GRAMD1B: variants seen among roughly 807,000 people sequenced by gnomAD.
GRAMD1B encodes the protein protein Aster-B.
A neutral mutation model predicts 99.7 loss-of-function variants in GRAMD1B; 37 were observed. That is an observed-to-expected ratio of 0.37 (90% confidence interval 0.29 to 0.49). The LOEUF is 0.49. Ranked by LOEUF, GRAMD1B falls within the 20% of genes least tolerant of loss-of-function variation. GRAMD1B has a pLI of 0.98. For missense variants in GRAMD1B, 888 were observed against 1,009.2 expected (o/e 0.88, Z 1.63); for synonymous variants, 427 against 387.6 (o/e 1.10, Z -1.19).
chr11:123,521,493 C>T (rs994796159), intron 2 of GRAMD1B, among the ~76,000 whole-genome samples: 1 of 152,180 alleles, frequency 6.6e-6, no homozygotes, highest in African/African-American at 2.4e-5. Flanking sequence ...TGTCTTTTCT[C>T]TCTATGATCT....
At chr11:123,403,747 T>C (rs1032570406) in intron 1 of GRAMD1B, among the ~76,000 whole-genome samples, 1 of 151,830 alleles carries the variant, frequency 6.6e-6, no homozygotes, top group African/African-American at 2.4e-5. Context: ...TTTCGCTACG[T>C]TGGTGAGGCT....
chr11:123,584,201 T>C, intron 3 of GRAMD1B, 111 bp from the exon 4 acceptor site: 1 of 656,566 alleles, frequency 1.5e-6, no homozygotes, highest in Non-Finnish European at 2.7e-6. Flanking sequence ...CAGCTGCATT[T>C]GGACCCCTCC....
intron 1 of GRAMD1B, among the ~76,000 whole-genome samples, chr11:123,373,756 C>T (rs571238493): frequency 1.3e-5 from 2 of 152,320 alleles, no homozygotes; most frequent in South Asian, 4.1e-4. Flanking sequence ...TGTCACCCCT[C>T]TGCCTCCCTA....
chr11:123,386,305 A>G (rs1314909137), intron 1 of GRAMD1B, among the ~76,000 whole-genome samples: 1 of 152,138 alleles, frequency 6.6e-6, no homozygotes, highest in Non-Finnish European at 1.5e-5. Context: ...AGCGTTCTGA[A>G]CAGGAGGCCC....
chr11:123,422,695 T>A (rs1229598632), intron 1 of GRAMD1B, among the ~76,000 whole-genome samples: 1 of 152,194 alleles, frequency 6.6e-6, no homozygotes, highest in East Asian at 1.9e-4. Flanking sequence ...CGAGAAGCGA[T>A]CAAACCATGC....
At position 123,388,900 on chromosome 11, in the gene GRAMD1B, T is replaced by C. The variant is rs984435090; in HGVS notation, c.-176+30101T>C. 5.9e-5 allele frequency among the ~76,000 whole-genome samples: 9 copies of C among 152,208 alleles called. 1 individual carries two copies. Among genetic ancestry groups the C allele is most frequent in the African/African-American group, 2.2e-4 (9 of 41,454 alleles). ...AATGTTTAAAAGCTATCCAGGTTCA[T>C]GTGTTTTGTTACAGCATCTCGAACA... is the stretch of plus-strand genomic sequence containing the variant. On this transcript the variant is annotated intron_variant, in intron 1 of 20. Coordinates refer to the GRAMD1B transcript ENST00000638157.
rs1951225111 is a variant in GRAMD1B, at chr11:123,595,945, A to T, written c.877A>T (p.Thr293Ser). 2 of 1,596,522 alleles carry T rather than the reference A, an allele frequency of 1.3e-6. No homozygotes were observed. The highest frequency in any genetic ancestry group is 1.7e-6 in the Non-Finnish European group (2 of 1,168,722). Residue 293 changes from threonine to serine, a missense_variant, in exon 7 of 20, where the codon ACA becomes TCA. Around this residue, in one of 5 missense-constraint regions of GRAMD1B, gnomAD observed 62 missense variants for 139.4 expected, o/e 0.44. Transcript: ENST00000635736. ...TCTCTGTCCTCTTGGATGCCAGCTG[A>T]CAGTCCGTTTGAAAGACATCTGTTC... ...SNIFRWETLLTVRLKDICSMT... is the reference protein window; with the variant it reads ...SNIFRWETLLSVRLKDICSMT...
At chr11:123,418,826 C>G (rs922233375) in intron 1 of GRAMD1B, among the ~76,000 whole-genome samples, 2 of 152,162 alleles carry the variant, frequency 1.3e-5, no homozygotes, top group Non-Finnish European at 2.9e-5. Flanking sequence ...GTTCCTTGTC[C>G]TCCCCTGTCC....
chr11:123,507,617 A>C (rs11219177), intron 2 of GRAMD1B, among the ~76,000 whole-genome samples: 20,103 of 152,268 alleles, frequency 0.13, 1,591 homozygotes, highest in East Asian at 0.43. Flanking sequence ...GGTGAACATG[A>C]GTAAATTCAT....
At chr11:123,593,911 G>A (rs545851232) in intron 4 of GRAMD1B, among the ~76,000 whole-genome samples, 171 bp from the exon 5 acceptor site, 1 of 152,240 alleles carries the variant, frequency 6.6e-6, no homozygotes, top group Admixed American at 6.5e-5. Flanking sequence ...TCCCCACTGT[G>A]TTTCTCCACA....
At chr11:123,550,778 T>A (rs1331223380) in intron 2 of GRAMD1B, among the ~76,000 whole-genome samples, 3 of 152,204 alleles carry the variant, frequency 2.0e-5, no homozygotes, top group African/African-American at 7.2e-5. Context: ...TCTCCTAATA[T>A]CCTAGAGTGG....
chr11:123,436,091 C>T (rs1022449933), intron 1 of GRAMD1B, among the ~76,000 whole-genome samples: 2 of 151,794 alleles, frequency 1.3e-5, no homozygotes, highest in African/African-American at 4.8e-5. Flanking sequence ...TACAGAAGCT[C>T]GCCACCACGC....
chr11:123,622,482 G>A (rs1955246120), intron 19 of GRAMD1B, 24 bp from the exon 20 acceptor site: 1 of 1,448,954 alleles, frequency 6.9e-7, no homozygotes, highest in African/African-American at 1.4e-5. Context: ...ACCCAGGCCT[G>A]GGGTGGGGTT....
chr11:123,613,727 C>T, intron 16 of GRAMD1B, 69 bp downstream of exon 16: 1 of 1,024,162 alleles, frequency 9.8e-7, no homozygotes, highest in Non-Finnish European at 1.5e-6. Context: ...CACACCAAGG[C>T]ACACACATGC....
At chr11:123,612,377 A>T (rs955599624) in intron 14 of GRAMD1B, among the ~76,000 whole-genome samples, 12 of 152,198 alleles carry the variant, frequency 7.9e-5, no homozygotes, top group African/African-American at 2.7e-4. Flanking sequence ...GAGCCGTCTT[A>T]CTTTCTTTCA....
At chr11:123,582,720 G>C (rs1418568035) in intron 3 of GRAMD1B, among the ~76,000 whole-genome samples, 1 of 152,230 alleles carries the variant, frequency 6.6e-6, no homozygotes, top group African/African-American at 2.4e-5. Context: ...TGGAATGGGG[G>C]AGATAGATCA....
intron 2 of GRAMD1B, among the ~76,000 whole-genome samples, chr11:123,509,579 C>T (rs1431514423): frequency 6.6e-6 from 1 of 152,210 alleles, no homozygotes; most frequent in African/African-American, 2.4e-5. Context: ...TGTATGGATG[C>T]CAGCTCTGGC....
At chr11:123,365,105 C>T (rs1222561781) in intron 1 of GRAMD1B, among the ~76,000 whole-genome samples, 2 of 151,980 alleles carry the variant, frequency 1.3e-5, no homozygotes, top group Non-Finnish European at 2.9e-5. Flanking sequence ...TTATTATTAC[C>T]CATGTTATAG....
In GRAMD1B at chr11:123,510,788, C is replaced by A. The variant is rs1940915269; in HGVS notation, c.452+29895C>A. ...TTCACTTTTCTCTCTCCTCCTCTCC[C>A]TCAGCCCGCCACTCGTGAGCATCCA... On this transcript the variant is annotated intron_variant, in intron 2 of 19. Transcript: ENST00000635736. The surrounding 1 kb of genome is among the most constrained non-coding windows in gnomAD (Gnocchi z 4.3). Among the ~76,000 whole-genome samples, 1 of 152,154 alleles carries A rather than the reference C, an allele frequency of 6.6e-6. No homozygotes were observed. Among genetic ancestry groups the A allele is most frequent in the African/African-American group, 2.4e-5 (1 of 41,438 alleles).
Sources: allele counts gnomAD v4.1 joint callset (sites outside exome capture counted in the v4.1 genomes callset), GRCh38; gene constraint gnomAD v4.1.1; regional missense constraint gnomAD v4.1.1; non-coding constraint Gnocchi (gnomAD v3.1); transcripts MANE v1.5; gene names NCBI Gene and HGNC (gene_info 2026-07-23, HGNC 2026-07-21).